The following MAP4K4 variants were observed in gnomAD, a reference collection of about 807,000 sequenced individuals.
MAP4K4 encodes the protein mitogen-activated protein kinase kinase kinase kinase 4.
MAP4K4 carries 38 observed loss-of-function variants against 189.6 expected under a neutral mutation model. That is an observed-to-expected ratio of 0.20 (90% CI 0.15 to 0.26). The LOEUF is 0.26. Ranked by LOEUF, MAP4K4 falls within the 10% of genes least tolerant of loss-of-function variation. MAP4K4 has a pLI of 1.00. For synonymous variants in MAP4K4, 610 were observed against 624.3 expected, an observed-to-expected ratio of 0.98 and a Z score of 0.34; for missense variants, 1,054 against 1,726.9, an observed-to-expected ratio of 0.61 and a Z score of 6.91.
chr2:101,755,935 T>TC (rs1395294548), intron 2 of MAP4K4, among the ~76,000 whole-genome samples: 12 of 122,846 alleles, frequency 9.8e-5, no homozygotes, highest in Non-Finnish European at 1.9e-4. Context: ...TTTTCTTTTT[T>TC]TTTTTTTTTT....
chr2:101,768,884 C>T (rs1482301795), intron 2 of MAP4K4, among the ~76,000 whole-genome samples: 1 of 152,140 alleles, frequency 6.6e-6, no homozygotes, highest in Non-Finnish European at 1.5e-5. Context: ...GAAAAGCTTC[C>T]AGTTCTCAAT....
chr2:101,733,163 C>G (rs569008181), intron 2 of MAP4K4, among the ~76,000 whole-genome samples: 23 of 152,314 alleles, frequency 1.5e-4, no homozygotes, highest in Admixed American at 1.5e-3. Context: ...GGCCTGGGGT[C>G]TCTGTCTGAA....
At chr2:101,741,989 A>G (rs1204442293) in intron 2 of MAP4K4, among the ~76,000 whole-genome samples, 2 of 152,040 alleles carry the variant, frequency 1.3e-5, no homozygotes, top group African/African-American at 4.8e-5. Flanking sequence ...GTGTTTGTAG[A>G]TGGTTTAGTG....
At chr2:101,766,721 T>A (rs1224165960) in intron 2 of MAP4K4, among the ~76,000 whole-genome samples, 8 of 152,174 alleles carry the variant, frequency 5.3e-5, no homozygotes, top group African/African-American at 1.9e-4. Context: ...CCTTTATGTT[T>A]CCTGTTCTAG....
exon 14 of MAP4K4, chr2:101,859,029 C>T (rs746600320): frequency 8.7e-6 from 14 of 1,612,400 alleles, no homozygotes; most frequent in Middle Eastern, 3.3e-4. Flanking sequence ...AGAGGAGCAG[C>T]GGCACTTGGA....
chr2:101,793,109 G>A (rs1465853543), intron 3 of MAP4K4, among the ~76,000 whole-genome samples: 1 of 152,160 alleles, frequency 6.6e-6, no homozygotes, highest in Non-Finnish European at 1.5e-5. Context: ...GGCAATGTTG[G>A]ACACATGCAT....
At chr2:101,710,273 A>G (rs962157921) in intron 2 of MAP4K4, among the ~76,000 whole-genome samples, 2 of 152,212 alleles carry the variant, frequency 1.3e-5, no homozygotes, top group Non-Finnish European at 2.9e-5. Context: ...GGGCCATTCC[A>G]GTTTGAACTT....
intron 2 of MAP4K4, among the ~76,000 whole-genome samples, chr2:101,784,058 T>G (rs977918734): frequency 6.6e-6 from 1 of 152,234 alleles, no homozygotes; most frequent in African/African-American, 2.4e-5. Context: ...TGTTCTGTCC[T>G]TTGATGATCT....
chr2:101,718,665 C>G (rs1274195561), intron 2 of MAP4K4, among the ~76,000 whole-genome samples: 1 of 151,560 alleles, frequency 6.6e-6, no homozygotes, highest in East Asian at 1.9e-4. Flanking sequence ...AAAGGAGGTG[C>G]TGAGAGGAGC....
At chr2:101,750,632 C>A (rs532245694) in intron 2 of MAP4K4, among the ~76,000 whole-genome samples, 1 of 151,162 alleles carries the variant, frequency 6.6e-6, no homozygotes, top group African/African-American at 2.4e-5. Context: ...GCACAATGTG[C>A]ACATGTACCC....
intron 7 of MAP4K4, among the ~76,000 whole-genome samples, chr2:101,832,746 T>C (rs1165070582): frequency 6.6e-6 from 1 of 152,096 alleles, no homozygotes; most frequent in Non-Finnish European, 1.5e-5. Flanking sequence ...AACAAGGCAA[T>C]GTATTTGGTT....
chr2:101,722,454 C>T (rs1034564613), intron 2 of MAP4K4, among the ~76,000 whole-genome samples: 1 of 152,162 alleles, frequency 6.6e-6, no homozygotes, highest in Non-Finnish European at 1.5e-5. Flanking sequence ...AGATTCAGTT[C>T]ACTGTAGAAA....
At chr2:101,745,525 C>G (rs2065045279) in intron 2 of MAP4K4, among the ~76,000 whole-genome samples, 1 of 151,366 alleles carries the variant, frequency 6.6e-6, no homozygotes, top group Non-Finnish European at 1.5e-5. Context: ...TACCTTTGGG[C>G]CATGAGTTCT....
exon 33 of MAP4K4, chr2:101,892,085 T>G (rs1023465590): frequency 1.3e-5 from 2 of 152,198 alleles, no homozygotes; most frequent in Non-Finnish European, 2.9e-5. Context: ...TGTGACAGTA[T>G]TAGCACTGCC....
rs1007158757 is a variant in MAP4K4, at chr2:101,858,853, G to A, written c.1396-143G>A. ...TTTGAAGTTCTTGGAGAAATCTTTA[G>A]CAATAGATTTTCTTCAGGTATTTAC... On this transcript the variant is annotated intron_variant, in intron 13 of 32. Coordinates refer to ENST00000324219, the Ensembl canonical transcript of MAP4K4. 6 of 592,786 alleles carry A rather than the reference G, an allele frequency of 1.0e-5. No homozygotes were observed. The Admixed American group carries it at 2.0e-4, about 19-fold the overall frequency. The allele number at this position is 592,786 out of a possible 1,614,324, so 36.7% of individuals were successfully genotyped here.
intron 24 of MAP4K4, 91 bp downstream of exon 24, chr2:101,871,776 C>T: frequency 8.5e-7 from 1 of 1,174,474 alleles, no homozygotes; most frequent in East Asian, 2.6e-5. Context: ...CCAACACCCT[C>T]ACCCCTTCCC....
intron 2 of MAP4K4, among the ~76,000 whole-genome samples, chr2:101,708,862 C>T (rs11674694): frequency 0.28 from 42,639 of 152,090 alleles, 6,708 homozygotes; most frequent in South Asian, 0.49. Flanking sequence ...AATCCTACAA[C>T]GTATGGTCGC....
chr2:101,856,489 A>T (rs1410634461), intron 13 of MAP4K4, among the ~76,000 whole-genome samples: 1 of 146,092 alleles, frequency 6.8e-6, no homozygotes, highest in African/African-American at 2.7e-5. Context: ...TTAACTTTTA[A>T]AAAAAAAATG....
intron 2 of MAP4K4, among the ~76,000 whole-genome samples, chr2:101,760,558 G>GTGTA (rs758108677): frequency 7.1e-6 from 1 of 140,422 alleles, no homozygotes; most frequent in Non-Finnish European, 1.5e-5. Flanking sequence ...GTGTGTGTGT[G>GTGTA]TATATGTATT....
Sources: gnomAD v4.1 joint callset for allele counts (sites outside exome capture counted in the v4.1 genomes callset) on GRCh38, gnomAD v4.1.1 for gene constraint, MANE v1.5 for transcripts, NCBI Gene and HGNC (gene_info 2026-07-23, HGNC 2026-07-21) for gene names.